The following GALNTL6 variants were observed in gnomAD, a reference collection of about 807,000 sequenced individuals.
GALNTL6 encodes polypeptide N-acetylgalactosaminyltransferase-like 6.
In GALNTL6, 46 loss-of-function variants were observed where a neutral mutation model predicts 73.7. That is an observed-to-expected ratio of 0.62 (90% CI 0.49 to 0.80). The LOEUF (loss-of-function observed/expected upper bound fraction) is 0.80, where lower values mean the gene tolerates loss of function less well. Ranked by LOEUF, GALNTL6 falls within the 30% of genes least tolerant of loss-of-function variation. GALNTL6 has a pLI of 0.00. For synonymous variants in GALNTL6, 259 were observed against 263.7 expected, an observed-to-expected ratio of 0.98 and a Z score of 0.17; for missense variants, 604 against 755.0, an observed-to-expected ratio of 0.80 and a Z score of 2.34.
At chr4:172,599,567 A>C (rs921679545) in intron 5 of GALNTL6, among the ~76,000 whole-genome samples, 1 of 152,134 alleles carries the variant, frequency 6.6e-6, no homozygotes, top group Non-Finnish European at 1.5e-5. Flanking sequence ...GTATGGCTTT[A>C]TCTTTTTGAG....
At chr4:172,642,285 G>A (rs566803813) in intron 5 of GALNTL6, among the ~76,000 whole-genome samples, 11 of 152,018 alleles carry the variant, frequency 7.2e-5, no homozygotes, top group East Asian at 1.9e-4. Context: ...TTCCATATTC[G>A]TTGCAGCATT....
At chr4:172,923,320 C>G (rs139170782) in intron 8 of GALNTL6, among the ~76,000 whole-genome samples, 5 of 151,828 alleles carry the variant, frequency 3.3e-5, no homozygotes, top group Non-Finnish European at 7.4e-5. Context: ...TGAGGGGAAT[C>G]CCTCTTTATA....
At chr4:172,639,053 A>G (rs1478883551) in intron 5 of GALNTL6, among the ~76,000 whole-genome samples, 4 of 152,110 alleles carry the variant, frequency 2.6e-5, no homozygotes, top group African/African-American at 9.7e-5. Flanking sequence ...TATTGCTGGT[A>G]TTAACTTTGA....
chr4:172,053,449 G>T (rs1730935345), intron 2 of GALNTL6, among the ~76,000 whole-genome samples: 1 of 152,132 alleles, frequency 6.6e-6, no homozygotes, highest in Non-Finnish European at 1.5e-5. Flanking sequence ...TCTCCTGAAA[G>T]CTGCTTCCTT....
At chr4:172,729,733 A>G (rs1736038627) in intron 5 of GALNTL6, among the ~76,000 whole-genome samples, 1 of 152,204 alleles carries the variant, frequency 6.6e-6, no homozygotes, top group African/African-American at 2.4e-5. Context: ...TAGTGGTTCC[A>G]TATAAACTTT....
intron 2 of GALNTL6, among the ~76,000 whole-genome samples, chr4:171,978,087 G>A (rs903776350): frequency 1.3e-5 from 2 of 151,888 alleles, no homozygotes; most frequent in Non-Finnish European, 2.9e-5. Flanking sequence ...CATTATGTTG[G>A]CAAATCTGTG....
chr4:172,781,805 T>C (rs1739382283), intron 5 of GALNTL6, among the ~76,000 whole-genome samples: 1 of 152,014 alleles, frequency 6.6e-6, no homozygotes, highest in Admixed American at 6.6e-5. Flanking sequence ...TTGGGAAACA[T>C]TTTTACCCTA....
chr4:172,783,095 G>T (rs1035404773), intron 5 of GALNTL6, among the ~76,000 whole-genome samples: 5 of 150,430 alleles, frequency 3.3e-5, no homozygotes, highest in Admixed American at 2.7e-4. Flanking sequence ...AACCACCAAG[G>T]TTTTTCTGAA....
chr4:172,165,934 A>G (rs956029281), intron 2 of GALNTL6, among the ~76,000 whole-genome samples: 1 of 152,180 alleles, frequency 6.6e-6, no homozygotes, highest in African/African-American at 2.4e-5. Context: ...GAGAAGGAGA[A>G]AAAAAATAGC....
At chr4:172,694,764 G>C (rs1295884926) in intron 5 of GALNTL6, among the ~76,000 whole-genome samples, 1 of 152,154 alleles carries the variant, frequency 6.6e-6, no homozygotes, top group East Asian at 1.9e-4. Context: ...CCTTACGTAT[G>C]CATTTTGTAT....
chr4:172,618,175 T>A (rs1486439648), intron 5 of GALNTL6, among the ~76,000 whole-genome samples: 2 of 152,108 alleles, frequency 1.3e-5, no homozygotes, highest in Non-Finnish European at 2.9e-5. Flanking sequence ...AATATAAGGA[T>A]ATGGTGATTA....
chr4:172,776,472 C>G (rs1447588358), intron 5 of GALNTL6, among the ~76,000 whole-genome samples: 2 of 152,168 alleles, frequency 1.3e-5, no homozygotes, highest in Admixed American at 1.3e-4. Context: ...TGAAACAGAA[C>G]TTGCTTGTTA....
At chr4:172,429,647 C>T (rs1032882596) in intron 5 of GALNTL6, among the ~76,000 whole-genome samples, 1 of 152,086 alleles carries the variant, frequency 6.6e-6, no homozygotes, top group African/African-American at 2.4e-5. Flanking sequence ...TTCTCTTGAT[C>T]AGGTATACTT....
chr4:172,562,938 A>G (rs900035824), intron 5 of GALNTL6, among the ~76,000 whole-genome samples: 9 of 152,116 alleles, frequency 5.9e-5, no homozygotes, highest in African/African-American at 2.2e-4. Flanking sequence ...TATAGTTAGT[A>G]TTTATCTCTT....
At chr4:171,940,285 A>G (rs886516762) in intron 2 of GALNTL6, among the ~76,000 whole-genome samples, 7 of 152,084 alleles carry the variant, frequency 4.6e-5, no homozygotes, top group African/African-American at 1.7e-4. Flanking sequence ...TTGATAATCA[A>G]AGAGTGGGTG....
chr4:172,710,289 A>G (rs1193214280), intron 5 of GALNTL6, among the ~76,000 whole-genome samples: 1 of 152,178 alleles, frequency 6.6e-6, no homozygotes, highest in Non-Finnish European at 1.5e-5. Context: ...CTATTTATTT[A>G]TCATGAAGAA....
intron 8 of GALNTL6, among the ~76,000 whole-genome samples, chr4:172,895,757 T>C (rs1746291964): frequency 6.6e-6 from 1 of 152,152 alleles, no homozygotes; most frequent in Non-Finnish European, 1.5e-5. Context: ...AAACTGAATA[T>C]TTGCCCTTTT....
chr4:171,838,650 A>G (rs1252061525), intron 2 of GALNTL6, among the ~76,000 whole-genome samples: 1 of 152,102 alleles, frequency 6.6e-6, no homozygotes, highest in Non-Finnish European at 1.5e-5. Context: ...CATTAGTCCG[A>G]GGTGCTTTTT....
chr4:171,934,677 A>C (rs1449411313), intron 2 of GALNTL6, among the ~76,000 whole-genome samples: 1 of 152,056 alleles, frequency 6.6e-6, no homozygotes, highest in Admixed American at 6.6e-5. Flanking sequence ...CAGCCTCCCT[A>C]ACTGTTGGGA....
Sources: allele counts gnomAD v4.1 joint callset (sites outside exome capture counted in the v4.1 genomes callset), GRCh38; gene constraint gnomAD v4.1.1; transcripts MANE v1.5; gene names NCBI Gene and HGNC (gene_info 2026-07-23, HGNC 2026-07-21).